PTPRN2: variants seen among roughly 807,000 people sequenced by gnomAD.
The protein encoded by PTPRN2 is protein tyrosine phosphatase receptor type N2, also known as receptor-type tyrosine-protein phosphatase N2.
In PTPRN2, 74 loss-of-function variants were observed where a neutral mutation model predicts 118.8. That is an observed-to-expected ratio of 0.62 (90% CI 0.52 to 0.76). The LOEUF is 0.76. Ranked by LOEUF, PTPRN2 falls within the 30% of genes least tolerant of loss-of-function variation. The probability of loss-of-function intolerance (pLI) is 0.00; values close to 1 mark genes in which losing one functional copy is unlikely to be tolerated. For synonymous variants in PTPRN2, 641 were observed against 608.0 expected (o/e 1.05, Z -0.80); for missense variants, 1,481 against 1,394.4 (o/e 1.06, Z -0.99).
intron 2 of PTPRN2, among the ~76,000 whole-genome samples, chr7:158,452,086 G>T (rs1042162726): frequency 6.6e-6 from 1 of 152,024 alleles, no homozygotes. Flanking sequence ...ACGCATTTGG[G>T]TCTATTTCTA....
intron 2 of PTPRN2, among the ~76,000 whole-genome samples, chr7:158,424,901 C>T (rs1815579971): frequency 6.6e-6 from 1 of 151,284 alleles, no homozygotes. Flanking sequence ...CAAGAAGGTC[C>T]GGGGATCTCG....
At position 157,869,498 on chromosome 7, in the gene PTPRN2, C is replaced by A. The variant is rs1354105125; in HGVS notation, c.1788+29175G>T. Among the ~76,000 whole-genome samples the A allele has an allele frequency of 6.6e-6, 1 of 152,204 alleles. No individual in the cohort carries two copies. The highest frequency in any genetic ancestry group is 6.5e-5 in the Admixed American group (1 of 15,282). ...AACATAATCTCCACCAGGGCCAAGA[C>A]ACTTTTGCAAGGGATCAAACCCACC... On this transcript the variant is annotated intron_variant, in intron 12 of 22. Transcript: ENST00000389418. This position sits in a 1 kb window ranked among gnomAD's most constrained non-coding sequence, Gnocchi z 4.2.
At chr7:157,852,152 C>T (rs1809325878) in intron 12 of PTPRN2, among the ~76,000 whole-genome samples, 1 of 152,138 alleles carries the variant, frequency 6.6e-6, no homozygotes, top group Non-Finnish European at 1.5e-5. Flanking sequence ...CCAACAGAAC[C>T]AAGGAAAGTT....
chr7:157,943,555 A>G (rs1163370320), intron 11 of PTPRN2, among the ~76,000 whole-genome samples: 1 of 151,302 alleles, frequency 6.6e-6, no homozygotes, highest in Non-Finnish European at 1.5e-5. Flanking sequence ...ACACCAAGAC[A>G]CCCACCCCAG....
rs55925159 is a variant in PTPRN2, at chr7:158,559,593, G to A, written c.112+27965C>T. On this transcript the variant is annotated intron_variant, in intron 1 of 22. Coordinates refer to ENST00000389418, the MANE Select transcript of PTPRN2 (RefSeq NM_002847.5). ...TTTCTGAGATGTGACCACAGGAGGT[G>A]ACCGCGGGGATACCTCACCCAGCCA... 4.2e-3 allele frequency among the ~76,000 whole-genome samples: 642 copies of A among 152,306 alleles called. 2 individuals are homozygous for A. Among genetic ancestry groups the A allele is most frequent in the African/African-American group, 0.015 (606 of 41,556 alleles).
intron 11 of PTPRN2, among the ~76,000 whole-genome samples, chr7:158,002,582 C>T (rs966822956): frequency 7.2e-5 from 11 of 152,140 alleles, no homozygotes; most frequent in Non-Finnish European, 1.6e-4. Context: ...TCCCACTGCG[C>T]CCCTCCCTCC....
intron 3 of PTPRN2, among the ~76,000 whole-genome samples, chr7:158,250,750 A>G (rs949494233): frequency 6.6e-6 from 1 of 152,192 alleles, no homozygotes; most frequent in African/African-American, 2.4e-5. Context: ...ATTCCTTCAA[A>G]TCAACATCAG....
intron 3 of PTPRN2, among the ~76,000 whole-genome samples, chr7:158,251,531 G>A (rs1218768330): frequency 1.5e-5 from 2 of 133,820 alleles, no homozygotes; most frequent in African/African-American, 2.8e-5. Context: ...GGTGCATGTG[G>A]GGGGTGTGCA....
rs1274867627 is a variant in PTPRN2, at chr7:157,808,389, C to T, written c.1788+90284G>A. 5.3e-5 allele frequency among the ~76,000 whole-genome samples: 8 copies of T among 152,148 alleles called. No homozygotes were observed. The highest frequency in any genetic ancestry group is 7.4e-5 in the Non-Finnish European group (5 of 68,024). ...TTTGTCGGTATTTATAGCCAGTCCC[C>T]ATGGCTCACAGTACTGCCTGGGCTC... is the stretch of plus-strand genomic sequence containing the variant. On this transcript the variant is annotated intron_variant, in intron 12 of 22. Transcript: ENST00000389418. This position sits in a 1 kb window ranked among gnomAD's most constrained non-coding sequence, Gnocchi z 5.0.
Position 157,839,729 on chromosome 7 carries a change from A to G in PTPRN2, c.1788+58944T>C, listed in dbSNP as rs193252653. 2.1e-3 allele frequency among the ~76,000 whole-genome samples: 313 copies of G among 149,778 alleles called. 4 individuals are homozygous for G. The highest frequency in any genetic ancestry group is 0.014 in the South Asian group (66 of 4,692). On this transcript the variant is annotated intron_variant, in intron 12 of 22. Transcript: ENST00000389418. ...GAGTGCATGTCTGTGTGACTGTGTG[A>G]CTGTGTGGCTGTGTGAAGTGTGTGT...
intron 3 of PTPRN2, among the ~76,000 whole-genome samples, chr7:158,306,865 T>G (rs374967186): frequency 0.26 from 36,016 of 140,498 alleles, 5,037 homozygotes; most frequent in East Asian, 0.39. Flanking sequence ...GTTTTTTTTT[T>G]TTTTTTTTTT....
At chr7:157,597,654 T>C (rs1801423956) in intron 16 of PTPRN2, among the ~76,000 whole-genome samples, 3 of 152,210 alleles carry the variant, frequency 2.0e-5, no homozygotes, top group Admixed American at 1.3e-4. Context: ...AGGTCTGAGT[T>C]GTTAAGGTGT....
intron 2 of PTPRN2, among the ~76,000 whole-genome samples, chr7:158,375,945 C>T (rs986213913): frequency 7.2e-5 from 11 of 152,164 alleles, no homozygotes; most frequent in African/African-American, 1.2e-4. Flanking sequence ...CATTTGCCAT[C>T]CTTCAATTTG....
intron 9 of PTPRN2, among the ~76,000 whole-genome samples, chr7:158,128,628 C>G (rs1419485452): frequency 6.6e-6 from 1 of 152,178 alleles, no homozygotes. Context: ...GCCCTCCTGT[C>G]CTTCCCTCCA....
rs763552372 is a variant in PTPRN2, at chr7:157,813,076, C to T, written c.1788+85597G>A. Reference sequence around the variant, plus strand: ...GGACGGTGCTCAAATGACTGTGACACGTGCCGTGTATCTGCAAAGACCTGT... The same window carrying T: ...GGACGGTGCTCAAATGACTGTGACATGTGCCGTGTATCTGCAAAGACCTGT... On this transcript the variant is annotated intron_variant, in intron 12 of 22. Transcript: ENST00000389418. This position sits in a 1 kb window ranked among gnomAD's most constrained non-coding sequence, Gnocchi z 4.7. Among the ~76,000 whole-genome samples the T allele has an allele frequency of 2.9e-4, 44 of 152,256 alleles. No individual in the cohort carries two copies. The highest frequency in any genetic ancestry group is 5.1e-4 in the Non-Finnish European group (35 of 68,026).
At position 157,609,816 on chromosome 7, in the gene PTPRN2, G is replaced by T. The variant is rs568698596; in HGVS notation, c.2345-5741C>A. On this transcript the variant is annotated intron_variant, in intron 15 of 22. Transcript: ENST00000389418. This position sits in a 1 kb window ranked among gnomAD's most constrained non-coding sequence, Gnocchi z 4.9. ...TGGCAAAGCGTGTTCTTGCTGCCCC[G>T]TGGTGGCAGAACATATGGAGCGATT... is the stretch of plus-strand genomic sequence containing the variant. Among the ~76,000 whole-genome samples, 2 of 152,254 alleles carry T rather than the reference G, an allele frequency of 1.3e-5. No individual in the cohort carries two copies. Among genetic ancestry groups the T allele is most frequent in the African/African-American group, 4.8e-5 (2 of 41,458 alleles).
At chr7:158,267,710 A>G (rs1300140836) in intron 3 of PTPRN2, among the ~76,000 whole-genome samples, 1 of 152,132 alleles carries the variant, frequency 6.6e-6, no homozygotes, top group Non-Finnish European at 1.5e-5. Flanking sequence ...ATATCCTTCC[A>G]TCATTTAAGT....
At chr7:158,483,597 T>C (rs998257203) in intron 2 of PTPRN2, among the ~76,000 whole-genome samples, 1 of 152,200 alleles carries the variant, frequency 6.6e-6, no homozygotes, top group Non-Finnish European at 1.5e-5. Flanking sequence ...ATTGTTCTGC[T>C]TTGTGCCCAG....
chr7:157,843,023 A>C (rs924628287), intron 12 of PTPRN2, among the ~76,000 whole-genome samples: 1 of 152,216 alleles, frequency 6.6e-6, no homozygotes, highest in Non-Finnish European at 1.5e-5. Context: ...GAACATCGTT[A>C]TGACAGTGAA....
Sources: gnomAD v4.1 joint callset for allele counts (sites outside exome capture counted in the v4.1 genomes callset) on GRCh38, gnomAD v4.1.1 for gene constraint, Gnocchi (gnomAD v3.1) non-coding constraint, MANE v1.5 for transcripts, NCBI Gene and HGNC (gene_info 2026-07-23, HGNC 2026-07-21) for gene names.